Variants in SPMIP2 observed in about 807,000 individuals in gnomAD.
SPMIP2 encodes the protein protein SPMIP2.
chr4:158,913,913 A>G, the SPMIP2 span, among the ~76,000 whole-genome samples: 872 of 152,186 alleles, frequency 5.7e-3, 4 homozygotes, highest in Non-Finnish European at 9.0e-3. Flanking sequence ...CAAATGGTGT[A>G]AGAGAGAGAG....
At chr4:159,001,990 A>G in the SPMIP2 span, among the ~76,000 whole-genome samples, 5 of 152,180 alleles carry the variant, frequency 3.3e-5, no homozygotes. Context: ...CATCCTCGCC[A>G]GCATCTGTTA....
chr4:159,063,563 A>AAATAAATG, the SPMIP2 span, among the ~76,000 whole-genome samples: 115 of 151,800 alleles, frequency 7.6e-4, 1 homozygote, highest in Middle Eastern at 6.8e-3. Context: ...ATAAATAAAT[A>AAATAAATG]AATAAATAAA....
At chr4:159,015,486 A>G in the SPMIP2 span, among the ~76,000 whole-genome samples, 1 of 152,230 alleles carries the variant, frequency 6.6e-6, no homozygotes, top group African/African-American at 2.4e-5. Flanking sequence ...ATTCAATATA[A>G]CTTCCTCCCT....
the SPMIP2 span, among the ~76,000 whole-genome samples, chr4:158,974,149 G>T: frequency 6.6e-6 from 1 of 151,848 alleles, no homozygotes; most frequent in Non-Finnish European, 1.5e-5. Flanking sequence ...ATTGAAAAAT[G>T]GAGAAAATTG....
the SPMIP2 span, among the ~76,000 whole-genome samples, chr4:158,948,041 C>T: frequency 6.6e-6 from 1 of 152,132 alleles, no homozygotes; most frequent in East Asian, 1.9e-4. Context: ...ACTTTTAGCC[C>T]ATATGGTTCT....
At chr4:158,998,832 G>C in the SPMIP2 span, among the ~76,000 whole-genome samples, 3 of 152,084 alleles carry the variant, frequency 2.0e-5, no homozygotes, top group African/African-American at 7.2e-5. Flanking sequence ...GGTGGAAATA[G>C]TGCTCTCAAT....
the SPMIP2 span, among the ~76,000 whole-genome samples, chr4:158,980,998 G>C: frequency 6.6e-6 from 1 of 152,176 alleles, no homozygotes; most frequent in Non-Finnish European, 1.5e-5. Context: ...AACCAGTTTA[G>C]AGAAGAACAT....
chr4:159,080,205 T>C, the SPMIP2 span, among the ~76,000 whole-genome samples: 1 of 22,322 alleles, frequency 4.5e-5, no homozygotes, highest in Admixed American at 4.8e-4. Context: ...CAACAAAGAC[T>C]TTATTTATTT....
the SPMIP2 span, among the ~76,000 whole-genome samples, chr4:159,024,484 G>C: frequency 6.6e-5 from 10 of 152,262 alleles, no homozygotes; most frequent in South Asian, 2.1e-3. Context: ...GTGCTTCCTT[G>C]CTGGCGTTCA....
the SPMIP2 span, among the ~76,000 whole-genome samples, chr4:158,932,529 C>A: frequency 6.6e-6 from 1 of 152,160 alleles, no homozygotes; most frequent in Non-Finnish European, 1.5e-5. Flanking sequence ...TCTGGTAAAT[C>A]CAATGTTTCA....
the SPMIP2 span, among the ~76,000 whole-genome samples, chr4:158,911,347 CAAATAAATAAAT>C: frequency 6.1e-4 from 86 of 141,356 alleles, no homozygotes; most frequent in East Asian, 2.5e-3. Context: ...GACTCCGTCT[CAAATAAATAAAT>C]AAATAAATAA....
chr4:159,051,666 T>C, the SPMIP2 span, among the ~76,000 whole-genome samples: 1 of 152,254 alleles, frequency 6.6e-6, no homozygotes, highest in African/African-American at 2.4e-5. Context: ...GTCATTCTCA[T>C]TCTACCATTC....
chr4:158,904,954 G>A, the SPMIP2 span: 1 of 157,886 alleles, frequency 6.3e-6, no homozygotes, highest in African/African-American at 2.4e-5. Context: ...TTAAGCATGA[G>A]CTCCCCAAAC....
the SPMIP2 span, among the ~76,000 whole-genome samples, chr4:159,008,908 C>A: frequency 6.6e-6 from 1 of 152,136 alleles, no homozygotes; most frequent in African/African-American, 2.4e-5. Flanking sequence ...TAAGTAAAAC[C>A]ATGAATGAAG....
chr4:158,972,528 T>G, the SPMIP2 span, among the ~76,000 whole-genome samples: 17 of 152,358 alleles, frequency 1.1e-4, no homozygotes, highest in Admixed American at 4.6e-4. Flanking sequence ...CTAAAATCCC[T>G]TGTGCACTCT....
At chr4:158,981,561 T>C in the SPMIP2 span, among the ~76,000 whole-genome samples, 1 of 152,096 alleles carries the variant, frequency 6.6e-6, no homozygotes, top group Non-Finnish European at 1.5e-5. Flanking sequence ...TCAACATTCT[T>C]AAAGAAAAGA....
At chr4:159,053,150 G>T in the SPMIP2 span, among the ~76,000 whole-genome samples, 2 of 150,020 alleles carry the variant, frequency 1.3e-5, no homozygotes, top group African/African-American at 2.5e-5. Context: ...TAGAGACGGG[G>T]TTTCACCGTT....
chr4:158,994,665 TG>T, the SPMIP2 span, among the ~76,000 whole-genome samples: 3 of 152,156 alleles, frequency 2.0e-5, no homozygotes, highest in Non-Finnish European at 4.4e-5. Context: ...AGTCATAATT[TG>T]CCCCTTGAAG....
chr4:158,928,975 C>T, the SPMIP2 span, among the ~76,000 whole-genome samples: 37 of 152,280 alleles, frequency 2.4e-4, no homozygotes, highest in Admixed American at 1.0e-3. Flanking sequence ...ACTCCAGACG[C>T]GCCACCTTAA....
Sources: allele counts gnomAD v4.1 joint callset (sites outside exome capture counted in the v4.1 genomes callset), GRCh38; gene constraint gnomAD v4.1.1; transcripts MANE v1.5; gene names NCBI Gene and HGNC (gene_info 2026-07-23, HGNC 2026-07-21).